PTPRD: variants seen among roughly 807,000 people sequenced by gnomAD.
PTPRD encodes the protein receptor-type tyrosine-protein phosphatase delta.
A neutral mutation model predicts 214.5 loss-of-function variants in PTPRD; 34 were observed. The ratio of observed to expected loss-of-function variants is 0.16; its 90% CI spans 0.12 to 0.21. The LOEUF is 0.21. Ranked by LOEUF, PTPRD falls within the 10% of genes least tolerant of loss-of-function variation. The pLI, the probability that PTPRD is intolerant of heterozygous loss-of-function variation, is 1.00. For missense variants in PTPRD, 2,545 were observed against 2,398.7 expected (o/e 1.06, Z -1.27); for synonymous variants, 1,128 against 845.7 (o/e 1.33, Z -5.79).
intron 14 of PTPRD, among the ~76,000 whole-genome samples, chr9:8,579,825 T>C (rs1259636975): frequency 1.3e-5 from 2 of 152,122 alleles, no homozygotes; most frequent in African/African-American, 4.8e-5. Context: ...GTATGTTAGA[T>C]GGAAACGGAA....
At chr9:10,489,152 G>T (rs1426297596) in intron 2 of PTPRD, among the ~76,000 whole-genome samples, 1 of 152,074 alleles carries the variant, frequency 6.6e-6, no homozygotes, top group Non-Finnish European at 1.5e-5. Flanking sequence ...TCGGGGCCCA[G>T]GAACTCCTCA....
intron 34 of PTPRD, among the ~76,000 whole-genome samples, chr9:8,445,648 C>T (rs567204335): frequency 6.6e-6 from 1 of 152,250 alleles, no homozygotes; most frequent in South Asian, 2.1e-4. Flanking sequence ...GACTGTTTAT[C>T]CTGAATCTAG....
chr9:8,644,859 G>A (rs61043515), intron 12 of PTPRD, among the ~76,000 whole-genome samples: 1 of 152,208 alleles, frequency 6.6e-6, no homozygotes, highest in Non-Finnish European at 1.5e-5. Context: ...ATGGGATCCA[G>A]GCCGGTAGTG....
chr9:9,619,354 T>C (rs2095094401), intron 7 of PTPRD, among the ~76,000 whole-genome samples: 1 of 151,896 alleles, frequency 6.6e-6, no homozygotes, highest in African/African-American at 2.4e-5. Context: ...GGAGAAAGTA[T>C]GAAGAGGAGG....
At chr9:9,301,946 T>C (rs1339031337) in intron 9 of PTPRD, among the ~76,000 whole-genome samples, 1 of 152,036 alleles carries the variant, frequency 6.6e-6, no homozygotes, top group East Asian at 1.9e-4. Context: ...CATTTGTTTG[T>C]TGATTTGCTA....
In PTPRD at chr9:8,331,599, G is replaced by A. The variant is rs141981543; in HGVS notation, c.5517C>T (p.Pro1839=). The A allele has an allele frequency of 3.2e-6, 4 of 1,267,990 alleles. No individual in the cohort carries two copies. In the African/African-American group the frequency reaches 1.9e-4, roughly 60 times the overall value. The allele number at this position is 1,267,990 out of a possible 1,614,324, so 78.5% of individuals were successfully genotyped here. ...AAACTTACCTGCAATGGACTGAAAT[G>A]GGTCCATCTTGGCCAAACTGTTCTT... The part of the protein sequence containing the change: ...KTKEQFGQDG[P]ISVHCSAGVG... The change falls in exon 44 of 46, where the codon CCC becomes CCT. Residue 1839 remains proline, a synonymous_variant. Transcript: ENST00000381196.
intron 3 of PTPRD, among the ~76,000 whole-genome samples, chr9:10,305,984 G>A (rs1216466301): frequency 6.6e-6 from 1 of 151,998 alleles, no homozygotes; most frequent in Non-Finnish European, 1.5e-5. Flanking sequence ...TATGTTTATT[G>A]CAGTGCTGTT....
chr9:9,845,202 ATATATACTGC>A lies in PTPRD; in HGVS notation c.-367-78361_-367-78352del, dbSNP rs1436297123. 1.6e-3 allele frequency among the ~76,000 whole-genome samples: 223 copies of A among 139,864 alleles called. 5 individuals carry two copies. Among genetic ancestry groups the A allele is most frequent in the African/African-American group, 5.5e-3 (206 of 37,230 alleles). 91.8% of individuals were successfully genotyped at this position (139,864 alleles called of 152,430 possible). On this transcript the variant is annotated intron_variant, in intron 5 of 45. Coordinates refer to ENST00000381196, the MANE Select transcript of PTPRD (RefSeq NM_002839.4). ...TATATTGCTCTATATATATAGCTAT[ATATATACTGC>A]TATATATATATATATATAGCAATAG...
chr9:9,000,849 AACAAACC>A (rs1403745289), intron 11 of PTPRD, among the ~76,000 whole-genome samples: 4 of 151,992 alleles, frequency 2.6e-5, no homozygotes, highest in Non-Finnish European at 4.4e-5. Context: ...ATTCACAAAA[AACAAACC>A]ACAAGAAATA....
At chr9:10,111,475 T>A (rs552142410) in intron 3 of PTPRD, among the ~76,000 whole-genome samples, 1 of 151,200 alleles carries the variant, frequency 6.6e-6, no homozygotes, top group South Asian at 2.1e-4. Context: ...CCTGACCTCG[T>A]GATCCGCCCG....
intron 9 of PTPRD, among the ~76,000 whole-genome samples, chr9:9,364,941 G>C (rs946789249): frequency 6.6e-6 from 1 of 151,450 alleles, no homozygotes; most frequent in Non-Finnish European, 1.5e-5. Context: ...CAGCAGCAGA[G>C]AAGGGTGTAG....
chr9:9,653,094 G>T (rs1034922445), intron 7 of PTPRD, among the ~76,000 whole-genome samples: 1 of 149,520 alleles, frequency 6.7e-6, no homozygotes, highest in Admixed American at 6.6e-5. Context: ...TGTAATCCCA[G>T]CACTTTGGGA....
At chr9:10,485,518 T>G (rs550753714) in intron 2 of PTPRD, among the ~76,000 whole-genome samples, 1 of 152,228 alleles carries the variant, frequency 6.6e-6, no homozygotes, top group South Asian at 2.1e-4. Context: ...CATGTTTTGG[T>G]GTCCCCTTTA....
chr9:10,231,880 T>C (rs2099611327), intron 3 of PTPRD, among the ~76,000 whole-genome samples: 3 of 151,692 alleles, frequency 2.0e-5, no homozygotes, highest in Admixed American at 6.6e-5. Flanking sequence ...CTCTCATGAA[T>C]ATCTTAGTGA....
At chr9:8,784,754 C>A (rs374081410) in intron 11 of PTPRD, among the ~76,000 whole-genome samples, 1 of 152,138 alleles carries the variant, frequency 6.6e-6, no homozygotes, top group Non-Finnish European at 1.5e-5. Flanking sequence ...TAACATCCCC[C>A]CTGTATCTTA....
At chr9:9,555,388 A>C (rs1341283623) in intron 8 of PTPRD, among the ~76,000 whole-genome samples, 1 of 152,088 alleles carries the variant, frequency 6.6e-6, no homozygotes, top group East Asian at 1.9e-4. Flanking sequence ...AAAAGGGAGA[A>C]AGCTGGTGTT....
intron 39 of PTPRD, among the ~76,000 whole-genome samples, chr9:8,350,960 A>G (rs2075280551): frequency 6.6e-6 from 1 of 151,794 alleles, no homozygotes; most frequent in African/African-American, 2.4e-5. Context: ...AGCACCTCCA[A>G]CTCTAGAAAT....
rs182407916 is a variant in PTPRD, at chr9:9,717,244, C to G, written c.-287+17289G>C. Among the ~76,000 whole-genome samples, 1,291 of 152,206 alleles carry G rather than the reference C, an allele frequency of 8.5e-3. 15 individuals carry two copies. The highest frequency in any genetic ancestry group is 0.03 in the African/African-American group (1,233 of 41,530). ...TTGGTACCAGTACCATGCTGTTTTG[C>G]TTACTATAGCCTTGTAGTATAGTTT... is the stretch of plus-strand genomic sequence containing the variant. On this transcript the variant is annotated intron_variant, in intron 7 of 45. Transcript: ENST00000381196.
At chr9:8,460,221 A>C in intron 33 of PTPRD, 190 bp downstream of exon 33, 1 of 729,630 alleles carries the variant, frequency 1.4e-6, no homozygotes, top group Non-Finnish European at 2.3e-6. Flanking sequence ...ACCAAAACTG[A>C]ATAAGATTCC....
Sources: allele counts gnomAD v4.1 joint callset (sites outside exome capture counted in the v4.1 genomes callset), GRCh38; gene constraint gnomAD v4.1.1; transcripts MANE v1.5; gene names NCBI Gene and HGNC (gene_info 2026-07-23, HGNC 2026-07-21).